TFEC: variants seen among roughly 807,000 people sequenced by gnomAD.
TFEC encodes the protein class E basic helix-loop-helix protein 34.
In TFEC, 31 loss-of-function variants were observed where a neutral mutation model predicts 41.6. That is an observed-to-expected ratio of 0.74 (90% CI 0.56 to 1.01). TFEC has a LOEUF of 1.01. TFEC is among the 50% of genes least tolerant of loss of function. The pLI is 0.00. For synonymous variants in TFEC, 143 were observed against 140.6 expected, an observed-to-expected ratio of 1.02 and a Z score of -0.12; for missense variants, 402 against 404.1, an observed-to-expected ratio of 0.99 and a Z score of 0.04.
chr7:115,953,301 TTATGTA>T (rs1297572519), intron 5 of TFEC, among the ~76,000 whole-genome samples: 1 of 152,114 alleles, frequency 6.6e-6, no homozygotes, highest in African/African-American at 2.4e-5. Context: ...GAACATAATT[TTATGTA>T]AACTTCTGGT....
In TFEC at chr7:115,984,265, C is replaced by T. The variant is rs1793752712; in HGVS notation, c.177G>A (p.Trp59Ter). 6.2e-7 allele frequency: 1 copy of T among 1,613,484 alleles called. No homozygotes were observed. Among genetic ancestry groups the T allele is most frequent in the Non-Finnish European group, 8.5e-7 (1 of 1,179,528 alleles). ...TATAACCAGCCATTAGACATACATGCCATTGTGCATTGTCATCTTCTTTCC... is the reference window on the plus strand; with the variant it reads ...TATAACCAGCCATTAGACATACATGTCATTGTGCATTGTCATCTTCTTTCC... ...AIGKEDDNAQ[W>*]HMEDVIEDII... The change falls in exon 2 of 8, where the codon TGG (tryptophan) becomes TGA (stop). Residue 59 changes from tryptophan (W) to a stop codon, truncating the protein, a stop_gained. Coordinates refer to ENST00000265440, the MANE Select transcript of TFEC (RefSeq NM_012252.4). LOFTEE classifies it high-confidence loss of function.
chr7:115,987,019 CAG>C (rs749094543), intron 1 of TFEC, among the ~76,000 whole-genome samples: 17 of 152,146 alleles, frequency 1.1e-4, no homozygotes, highest in Non-Finnish European at 2.1e-4. Flanking sequence ...AAAGAAGTCA[CAG>C]ATACTTTTCT....
In TFEC at chr7:115,974,190, G is replaced by T; in HGVS notation, c.247C>A (p.Pro83Thr). ...CTTACTGTTCTTTGCATTAGCAGAG[G>T]AGAGTCTGCTCCTTCCTCTTTAAAA... Reference protein sequence around the residue: ...SSFKEEGADSPLLMQRTLSGS... With the variant: ...SSFKEEGADSTLLMQRTLSGS... Residue 83 changes from proline (P) to threonine (T), a missense_variant, in exon 3 of 8, where the codon CCT (proline) becomes ACT (threonine). Coordinates refer to ENST00000265440, the MANE Select transcript of TFEC (RefSeq NM_012252.4). The T allele has an allele frequency of 1.3e-6, 2 of 1,594,906 alleles. No individual in the cohort carries two copies. The highest frequency in any genetic ancestry group is 1.7e-6 in the Non-Finnish European group (2 of 1,171,806).
At chr7:115,958,075 G>C (rs772375754) in intron 3 of TFEC, among the ~76,000 whole-genome samples, 40 of 151,616 alleles carry the variant, frequency 2.6e-4, no homozygotes, top group South Asian at 2.1e-4. Flanking sequence ...AACTCTATTA[G>C]GACTCTTCAC....
chr7:115,989,767 C>T (rs1283793134), intron 1 of TFEC, among the ~76,000 whole-genome samples: 1 of 152,148 alleles, frequency 6.6e-6, no homozygotes. Context: ...CTCAAGGAGG[C>T]CTGCCTGCCT....
At chr7:116,047,364 G>T (rs1243228035) in intron 3 of TFEC, among the ~76,000 whole-genome samples, 1 of 152,146 alleles carries the variant, frequency 6.6e-6, no homozygotes, top group South Asian at 2.1e-4. Flanking sequence ...TCCTGCACCT[G>T]GCTCGGAGGG....
At chr7:116,066,076 TAC>T (rs1212352742) in intron 3 of TFEC, among the ~76,000 whole-genome samples, 1 of 152,190 alleles carries the variant, frequency 6.6e-6, no homozygotes, top group African/African-American at 2.4e-5. Context: ...CAAAGCCCAT[TAC>T]AGACTTGCCC....
chr7:116,030,261 G>A (rs1289546420), intron 1 of TFEC, among the ~76,000 whole-genome samples: 2 of 152,034 alleles, frequency 1.3e-5, no homozygotes, highest in Non-Finnish European at 2.9e-5. Context: ...TTGCTCAAAT[G>A]TAAACAAAAA....
chr7:115,967,309 GT>G (rs931786733), intron 3 of TFEC, among the ~76,000 whole-genome samples: 1 of 151,538 alleles, frequency 6.6e-6, no homozygotes, highest in Non-Finnish European at 1.5e-5. Context: ...CCTATATTGT[GT>G]TTTTTTGTGA....
At chr7:115,982,562 T>C (rs1793675533) in intron 2 of TFEC, among the ~76,000 whole-genome samples, 1 of 152,202 alleles carries the variant, frequency 6.6e-6, no homozygotes, top group South Asian at 2.1e-4. Context: ...ATTAAAACTA[T>C]TACAGACTCA....
At chr7:115,941,199 G>C (rs184197855) in intron 7 of TFEC, 123 of 321,348 alleles carry the variant, frequency 3.8e-4, no homozygotes, top group Non-Finnish European at 4.8e-4. Context: ...TAGTGGCTCA[G>C]ACTACAATAT....
intron 3 of TFEC, chr7:116,110,611 C>G (rs1797831670): frequency 1.1e-6 from 1 of 914,894 alleles, no homozygotes; most frequent in Non-Finnish European, 1.5e-6. Context: ...TGTTTTTTTC[C>G]TTCAATTTTT....
chr7:115,996,289 T>C (rs1400947408), intron 1 of TFEC, among the ~76,000 whole-genome samples: 1 of 152,032 alleles, frequency 6.6e-6, no homozygotes, highest in East Asian at 1.9e-4. Flanking sequence ...GAGGCCCTCA[T>C]TGCAGAGCCT....
chr7:116,147,453 G>C (rs900246228), intron 1 of TFEC, among the ~76,000 whole-genome samples: 7 of 151,942 alleles, frequency 4.6e-5, no homozygotes, highest in African/African-American at 1.2e-4. Flanking sequence ...TGTGCACAAC[G>C]TGCAGGTTTA....
intron 3 of TFEC, among the ~76,000 whole-genome samples, chr7:116,091,858 C>A: frequency 6.9e-6 from 1 of 145,436 alleles, no homozygotes; most frequent in Non-Finnish European, 1.5e-5. Context: ...TTGATAATTA[C>A]GCTAAAAAAA....
intron 1 of TFEC, among the ~76,000 whole-genome samples, chr7:116,026,792 T>C (rs1795601087): frequency 6.6e-6 from 1 of 152,184 alleles, no homozygotes; most frequent in South Asian, 2.1e-4. Context: ...CAGAAAAATC[T>C]TTAACAGTAG....
At chr7:116,046,977 C>T (rs1386060362) in intron 3 of TFEC, among the ~76,000 whole-genome samples, 1 of 152,164 alleles carries the variant, frequency 6.6e-6, no homozygotes, top group Non-Finnish European at 1.5e-5. Context: ...ATGATAAATA[C>T]TTAGAAAGCA....
intron 3 of TFEC, among the ~76,000 whole-genome samples, chr7:116,105,190 G>C (rs35924818): frequency 6.6e-6 from 1 of 152,096 alleles, no homozygotes; most frequent in Non-Finnish European, 1.5e-5. Flanking sequence ...AAAAATTATA[G>C]AAAGAGGAGA....
In TFEC at chr7:116,141,776, G is replaced by A. The variant is rs116415214; in HGVS notation, c.-69+18014C>T. Among the ~76,000 whole-genome samples the A allele has an allele frequency of 4.4e-3, 669 of 152,296 alleles. 4 individuals carry two copies. Among genetic ancestry groups the A allele is most frequent in the African/African-American group, 0.015 (637 of 41,574 alleles). On this transcript the variant is annotated intron_variant, in intron 1 of 8. Transcript: ENST00000484212. The stretch of plus-strand genomic sequence containing the variant: ...ACATGATTTTTAGGGAGGGCTCAAA[G>A]AAGGACTTAGCTATAGACTGAATGT...
Sources: gnomAD v4.1 joint callset for allele counts (sites outside exome capture counted in the v4.1 genomes callset) on GRCh38, gnomAD v4.1.1 for gene constraint, MANE v1.5 for transcripts, NCBI Gene and HGNC (gene_info 2026-07-23, HGNC 2026-07-21) for gene names.